Variants in KCNMA1 observed in about 807,000 individuals in gnomAD.
KCNMA1 encodes the protein potassium calcium-activated channel subfamily M alpha 1.
Under a neutral mutation model 140.0 loss-of-function variants are expected in KCNMA1, and 29 were observed. That is an observed-to-expected ratio of 0.21 (90% CI 0.15 to 0.28). The LOEUF is 0.28. Among genes scored for constraint, KCNMA1 ranks in the 10% least tolerant of loss-of-function variants. The pLI is 1.00. For synonymous variants in KCNMA1, 612 were observed against 611.9 expected, an observed-to-expected ratio of 1.00 and a Z score of 0.00; for missense variants, 880 against 1,602.2, an observed-to-expected ratio of 0.55 and a Z score of 7.70.
At chr10:76,949,743 A>G (rs2065544600) in intron 21 of KCNMA1, among the ~76,000 whole-genome samples, 1 of 152,184 alleles carries the variant, frequency 6.6e-6, no homozygotes. Context: ...GTTTCCATGA[A>G]ATTGTTGATT....
chr10:76,993,799 T>G (rs761020923), intron 19 of KCNMA1, among the ~76,000 whole-genome samples: 10 of 152,352 alleles, frequency 6.6e-5, no homozygotes, highest in Non-Finnish European at 1.2e-4. Context: ...AACAAAACCC[T>G]TGGCCTGGCC....
At chr10:77,529,605 A>G (rs2057035718) in intron 1 of KCNMA1, among the ~76,000 whole-genome samples, 1 of 152,182 alleles carries the variant, frequency 6.6e-6, no homozygotes. Context: ...ATAACAAATG[A>G]GTTAAAACTA....
chr10:76,932,372 G>A (rs1056866437), intron 23 of KCNMA1, among the ~76,000 whole-genome samples: 3 of 152,136 alleles, frequency 2.0e-5, no homozygotes, highest in South Asian at 4.1e-4. Context: ...GATAAGCCAG[G>A]TGCATTTAGT....
chr10:77,030,362 TG>T (rs1182691148), intron 15 of KCNMA1, among the ~76,000 whole-genome samples: 2 of 152,208 alleles, frequency 1.3e-5, no homozygotes, highest in Non-Finnish European at 2.9e-5. Context: ...GAGCTTAAAT[TG>T]TTTTTTTAAA....
chr10:77,438,853 G>T (rs1167071295), intron 1 of KCNMA1, among the ~76,000 whole-genome samples: 1 of 152,082 alleles, frequency 6.6e-6, no homozygotes, highest in Non-Finnish European at 1.5e-5. Context: ...AAGACGGGTG[G>T]ATCACCTGAG....
intron 19 of KCNMA1, among the ~76,000 whole-genome samples, chr10:76,976,583 C>T (rs1185608481): frequency 1.3e-5 from 2 of 152,082 alleles, no homozygotes; most frequent in Non-Finnish European, 2.9e-5. Context: ...GGCCCTCAAC[C>T]CCAATCTCAA....
intron 1 of KCNMA1, 50 bp from the exon 2 acceptor site, chr10:77,404,073 A>G: frequency 2.5e-6 from 4 of 1,589,484 alleles, no homozygotes; most frequent in Non-Finnish European, 3.4e-6. Flanking sequence ...ATGGATTTAA[A>G]TAACATGCTC....
intron 2 of KCNMA1, among the ~76,000 whole-genome samples, chr10:77,328,999 C>T (rs1347608981): frequency 1.3e-5 from 2 of 151,976 alleles, no homozygotes; most frequent in African/African-American, 4.8e-5. Context: ...TGCCACCATG[C>T]CCGGCTAATT....
intron 19 of KCNMA1, among the ~76,000 whole-genome samples, chr10:76,992,282 T>G (rs2083002733): frequency 1.3e-5 from 2 of 152,296 alleles, no homozygotes; most frequent in Non-Finnish European, 1.5e-5. Context: ...AAAGAATGTC[T>G]CCTCAGAATA....
chr10:76,960,155 G>A (rs1412778372), intron 20 of KCNMA1, among the ~76,000 whole-genome samples: 1 of 152,200 alleles, frequency 6.6e-6, no homozygotes, highest in African/African-American at 2.4e-5. Flanking sequence ...TTATGTGAAT[G>A]ATTAGCAGAA....
intron 25 of KCNMA1, chr10:76,903,494 T>G (rs980092403): frequency 6.6e-6 from 1 of 152,174 alleles, no homozygotes; most frequent in Non-Finnish European, 1.5e-5. Context: ...CAGGCCTGCC[T>G]GGCCTGATGT....
chr10:76,883,259 A>T (rs1001797438), downstream of KCNMA1, among the ~76,000 whole-genome samples: 4 of 152,216 alleles, frequency 2.6e-5, no homozygotes, highest in African/African-American at 7.2e-5. Context: ...TCAAACCAAG[A>T]GGACAAGGGT....
At chr10:76,941,639 A>G (rs906636888) in intron 23 of KCNMA1, among the ~76,000 whole-genome samples, 1 of 152,194 alleles carries the variant, frequency 6.6e-6, no homozygotes, top group Non-Finnish European at 1.5e-5. Flanking sequence ...CTTAGGGAGC[A>G]GAACAGACTG....
chr10:77,565,197 A>G (rs1004696490), intron 1 of KCNMA1, among the ~76,000 whole-genome samples: 5 of 152,130 alleles, frequency 3.3e-5, no homozygotes, highest in Non-Finnish European at 7.4e-5. Context: ...GCAAGTGGTT[A>G]CCTTCCCCTT....
At chr10:77,260,296 G>C (rs2061685475) in intron 2 of KCNMA1, among the ~76,000 whole-genome samples, 1 of 152,200 alleles carries the variant, frequency 6.6e-6, no homozygotes, top group Non-Finnish European at 1.5e-5. Flanking sequence ...ACTTAGATGG[G>C]TGACAGCATC....
chr10:77,031,006 T>C (rs1342235822), intron 15 of KCNMA1, among the ~76,000 whole-genome samples: 3 of 152,188 alleles, frequency 2.0e-5, no homozygotes, highest in Non-Finnish European at 4.4e-5. Context: ...CCTTCAAGAT[T>C]GGCTGATCTT....
chr10:77,277,025 C>A (rs1172932615), intron 2 of KCNMA1, among the ~76,000 whole-genome samples: 1 of 152,148 alleles, frequency 6.6e-6, no homozygotes, highest in Admixed American at 6.6e-5. Flanking sequence ...TCTTCAAACT[C>A]CCACACCTTC....
chr10:77,253,303 C>T (rs1177668453), intron 2 of KCNMA1, among the ~76,000 whole-genome samples: 1 of 152,196 alleles, frequency 6.6e-6, no homozygotes, highest in Non-Finnish European at 1.5e-5. Flanking sequence ...TCTGTGAATG[C>T]TGAGCATCTG....
At chr10:77,218,576 C>T (rs912160087) in intron 3 of KCNMA1, among the ~76,000 whole-genome samples, 8 of 152,162 alleles carry the variant, frequency 5.3e-5, no homozygotes, top group African/African-American at 7.2e-5. Context: ...CACCACCACA[C>T]GACTCACCCA....
Sources: allele counts gnomAD v4.1 joint callset (sites outside exome capture counted in the v4.1 genomes callset), GRCh38; gene constraint gnomAD v4.1.1; transcripts MANE v1.5; gene names NCBI Gene and HGNC (gene_info 2026-07-23, HGNC 2026-07-21).